Variants in DNASE1 observed in about 807,000 individuals in gnomAD.
DNASE1 encodes deoxyribonuclease 1.
DNASE1 carries 40 observed loss-of-function variants against 33.9 expected under a neutral mutation model. The ratio of observed to expected loss-of-function variants is 1.18; its 90% CI spans 0.92 to 1.54. DNASE1 has a LOEUF of 1.54. Among genes scored for constraint, DNASE1 ranks in the 40% most tolerant of loss-of-function variants. The pLI is 0.00. For synonymous variants in DNASE1, 216 were observed against 160.0 expected, an observed-to-expected ratio of 1.35 and a Z score of -2.64; for missense variants, 518 against 372.6, an observed-to-expected ratio of 1.39 and a Z score of -3.21.
chr16:3,656,450 G>A (rs3891169), intron 4 of DNASE1, among the ~76,000 whole-genome samples, 188 bp from the exon 5 acceptor site: 16 of 111,292 alleles, frequency 1.4e-4, no homozygotes, highest in Non-Finnish European at 2.5e-4. Flanking sequence ...CTGGGTCCCG[G>A]ACCAATGGGT....
At chr16:3,645,614 C>T (rs1482851355) in intron 1 of DNASE1, among the ~76,000 whole-genome samples, 2 of 152,182 alleles carry the variant, frequency 1.3e-5, no homozygotes, top group African/African-American at 4.8e-5. Context: ...GCCAACATGC[C>T]GTGGTTCAGG....
At chr16:3,656,877 T>TTCAAG in intron 5 of DNASE1, 122 bp from the exon 6 acceptor site, 2 of 1,543,470 alleles carry the variant, frequency 1.3e-6, no homozygotes, top group Admixed American at 3.9e-5. Flanking sequence ...GGGTTTTCCA[T>TTCAAG]TCAAGTCATT....
chr16:3,656,916 G>A (rs1293006015), intron 5 of DNASE1, 83 bp from the exon 6 acceptor site: 1 of 1,565,746 alleles, frequency 6.4e-7, no homozygotes, highest in African/African-American at 1.4e-5. Flanking sequence ...CGGGGGGACT[G>A]TCATGATACA....
chr16:3,657,249 ATCC>A lies in DNASE1; in HGVS notation c.613_615del (p.Ser205del). On this transcript the variant is annotated inframe_deletion, in exon 7 of 9. Coordinates refer to ENST00000246949, the MANE Select transcript of DNASE1 (RefSeq NM_005223.4). ...GCTATGTGAGACCCTCCCAGTGGTCATCCATCCGCCTGTGGACAAGCCCCACCT... is the reference window on the plus strand; with the variant it reads ...GCTATGTGAGACCCTCCCAGTGGTCAATCCGCCTGTGGACAAGCCCCACCT... The A allele has an allele frequency of 6.2e-7, 1 of 1,613,988 alleles. No homozygotes were observed. The highest frequency in any genetic ancestry group is 8.5e-7 in the Non-Finnish European group (1 of 1,180,018).
intron 4 of DNASE1, among the ~76,000 whole-genome samples, 162 bp downstream of exon 4, chr16:3,656,347 G>A (rs983100929): frequency 7.3e-5 from 11 of 151,204 alleles, no homozygotes; most frequent in Non-Finnish European, 1.3e-4. Context: ...GGACCAATGG[G>A]TTGAGCAGGT....
chr16:3,614,769 T>C (rs2041040914), intron 1 of DNASE1, among the ~76,000 whole-genome samples: 1 of 152,178 alleles, frequency 6.6e-6, no homozygotes, highest in African/African-American at 2.4e-5. Context: ...GATTTCAAAA[T>C]ATCATAGGAT....
In DNASE1 at chr16:3,657,836, C is replaced by T. The variant is rs1466883792; in HGVS notation, c.801+20C>T. The T allele has an allele frequency of 3.1e-6, 5 of 1,613,888 alleles. No homozygotes were observed. On this transcript the variant is annotated intron_variant, in intron 8 of 8. Coordinates refer to ENST00000246949, the MANE Select transcript of DNASE1 (RefSeq NM_005223.4). ...CAACTGGTATGTGTCCTCCCTTGCA[C>T]AGCCACATGAGGATGGGACACAGGA...
chr16:3,656,959 C>G (rs781100327), intron 5 of DNASE1, 40 bp from the exon 6 acceptor site: 8 of 1,604,484 alleles, frequency 5.0e-6, no homozygotes, highest in Non-Finnish European at 6.0e-6. Flanking sequence ...TGAACCTGCC[C>G]CCAGGGAGTG....
intron 1 of DNASE1, among the ~76,000 whole-genome samples, chr16:3,634,651 A>C (rs1364350037): frequency 1.3e-5 from 2 of 152,034 alleles, no homozygotes; most frequent in Non-Finnish European, 2.9e-5. Context: ...CTGAGACGAC[A>C]GGTGTGCACC....
intron 1 of DNASE1, among the ~76,000 whole-genome samples, chr16:3,632,778 G>A (rs1292221711): frequency 2.0e-5 from 3 of 151,918 alleles, no homozygotes; most frequent in Non-Finnish European, 2.9e-5. Context: ...TAAAGACGGG[G>A]TTTTACCATG....
chr16:3,654,963 A>G lies in DNASE1; in HGVS notation c.-83A>G, dbSNP rs1447845073. ...ACTACTTTTTTTTCTTTAAGCAGCA[A>G]AAGGAGAAAATTGTCATCAAAGGAT... On this transcript the variant is annotated 5_prime_UTR_variant, in exon 1 of 9. Coordinates refer to ENST00000246949, the MANE Select transcript of DNASE1 (RefSeq NM_005223.4). The G allele has an allele frequency of 4.4e-6, 2 of 459,276 alleles. No individual in the cohort carries two copies. The highest frequency in any genetic ancestry group is 7.6e-6 in the Non-Finnish European group (2 of 262,812). 28.5% of individuals were successfully genotyped at this position (459,276 alleles called of 1,614,324 possible). A position where few individuals can be genotyped will look rare whatever the true frequency, so the allele number is the denominator to read the frequency against.
chr16:3,612,238 C>G (rs1338740691), intron 1 of DNASE1, among the ~76,000 whole-genome samples: 1 of 152,062 alleles, frequency 6.6e-6, no homozygotes. Context: ...TCGTCGGGAG[C>G]CATTGAAGGT....
At position 3,664,335 on chromosome 16, in the gene DNASE1, G is replaced by GGGGCGC. The variant is rs757449714; in HGVS notation, c.*6383_*6388dup. The GGGGCGC allele has an allele frequency of 6.2e-6, 10 of 1,612,778 alleles. No homozygotes were observed. The South Asian group carries it at 1.1e-4, about 18-fold the overall frequency. ...TGAGTGCTCTGCCAGGTGACGGTTGGGGGCGCACAGGTAGTAGATGTTGCG... is the reference window on the plus strand; with the variant it reads ...TGAGTGCTCTGCCAGGTGACGGTTGGGGGCGCGGGCGCACAGGTAGTAGATGTTGCG... On this transcript the variant is annotated 3_prime_UTR_variant, in exon 10 of 10. Transcript: ENST00000407479.
intron 1 of DNASE1, among the ~76,000 whole-genome samples, chr16:3,645,014 G>T (rs1373719398): frequency 2.0e-5 from 3 of 151,836 alleles, no homozygotes; most frequent in African/African-American, 7.3e-5. Context: ...CCTGTGGTCG[G>T]TCCCAGCTTC....
In DNASE1 at chr16:3,637,123, C is replaced by CAAAAAAAAA. The variant is rs55645773; in HGVS notation, c.-1358-3590_-1358-3582dup. The stretch of plus-strand genomic sequence containing the variant: ...TGGGTGACAGAATGAGACTCCATCT[C>CAAAAAAAAA]AAAAAAAAAAGAAAAGAAAAGGAAG... On this transcript the variant is annotated intron_variant and NMD_transcript_variant, in intron 1 of 11. Coordinates refer to the DNASE1 transcript ENST00000570769. Among the ~76,000 whole-genome samples, 583 of 144,262 alleles carry CAAAAAAAAA rather than the reference C, an allele frequency of 4.0e-3. 3 individuals are homozygous for CAAAAAAAAA. Among genetic ancestry groups the CAAAAAAAAA allele is most frequent in the African/African-American group, 0.014 (560 of 39,248 alleles). 94.6% of individuals were successfully genotyped at this position (144,262 alleles called of 152,430 possible).
chr16:3,652,750 C>A (rs2042376736), upstream of DNASE1: 1 of 152,418 alleles, frequency 6.6e-6, no homozygotes, highest in Non-Finnish European at 1.5e-5. Context: ...GGCCTGCCTT[C>A]TGCTTCATGG....
intron 1 of DNASE1, among the ~76,000 whole-genome samples, chr16:3,636,978 G>T (rs2041887470): frequency 6.7e-6 from 1 of 150,204 alleles, no homozygotes; most frequent in African/African-American, 2.5e-5. Flanking sequence ...ACAAAAGTTA[G>T]CTGGGCATGG....
intron 1 of DNASE1, among the ~76,000 whole-genome samples, chr16:3,631,644 C>G (rs903106384): frequency 2.6e-5 from 4 of 152,142 alleles, no homozygotes; most frequent in Admixed American, 6.6e-5. Context: ...CCTGCCTCAG[C>G]CCCCTAGTAG....
chr16:3,664,509 T>C, exon 10 of DNASE1: 2 of 1,552,128 alleles, frequency 1.3e-6, no homozygotes, highest in Non-Finnish European at 1.7e-6. Flanking sequence ...ATGGGCTCAA[T>C]GTTGCCCAAC....
Sources: allele counts gnomAD v4.1 joint callset (sites outside exome capture counted in the v4.1 genomes callset), GRCh38; gene constraint gnomAD v4.1.1; transcripts MANE v1.5; gene names NCBI Gene and HGNC (gene_info 2026-07-23, HGNC 2026-07-21).